The following RGS7 variants were observed in gnomAD, a reference collection of about 807,000 sequenced individuals.
RGS7 encodes the protein regulator of G-protein signaling 7.
A neutral mutation model predicts 81.1 loss-of-function variants in RGS7; 27 were observed. The ratio of observed to expected loss-of-function variants is 0.33; its 90% CI spans 0.25 to 0.46. The LOEUF (loss-of-function observed/expected upper bound fraction) is 0.46. Among genes scored for constraint, RGS7 ranks in the 20% least tolerant of loss-of-function variants. The pLI is 1.00. For synonymous variants in RGS7, 208 were observed against 207.7 expected, an observed-to-expected ratio of 1.00 and a Z score of -0.01; for missense variants, 396 against 607.4, an observed-to-expected ratio of 0.65 and a Z score of 3.66.
intron 9 of RGS7, among the ~76,000 whole-genome samples, chr1:240,839,282 A>G (rs1221158581): frequency 1.3e-5 from 2 of 152,212 alleles, no homozygotes; most frequent in Non-Finnish European, 2.9e-5. Flanking sequence ...AACTATACAA[A>G]TGCTCCTTTG....
chr1:240,944,965 C>T (rs928567262), intron 4 of RGS7, among the ~76,000 whole-genome samples: 1 of 152,172 alleles, frequency 6.6e-6, no homozygotes, highest in African/African-American at 2.4e-5. Context: ...CCTGCCTCGG[C>T]CTTCCCAAGC....
intron 4 of RGS7, among the ~76,000 whole-genome samples, chr1:240,961,150 A>G (rs171882): frequency 0.94 from 142,562 of 152,232 alleles, 67,226 homozygotes; most frequent in East Asian, 0.99. Flanking sequence ...GTATATAAAT[A>G]TAGCCAATTA....
At chr1:241,323,702 C>T (rs548352623) in intron 2 of RGS7, among the ~76,000 whole-genome samples, 5 of 152,310 alleles carry the variant, frequency 3.3e-5, no homozygotes, top group South Asian at 2.1e-4. Context: ...GGAGAACAGA[C>T]GCGAGAGCTG....
intron 2 of RGS7, among the ~76,000 whole-genome samples, chr1:241,130,344 T>TAA (rs535450158): frequency 2.9e-4 from 42 of 144,222 alleles, no homozygotes; most frequent in African/African-American, 1.0e-3. Context: ...TAACATAAAT[T>TAA]AAAAAAAAAA....
chr1:240,919,177 G>C (rs780865983), intron 6 of RGS7, among the ~76,000 whole-genome samples: 1 of 151,936 alleles, frequency 6.6e-6, no homozygotes, highest in Non-Finnish European at 1.5e-5. Context: ...ATAATACTCC[G>C]TACAATCTCT....
At chr1:241,086,997 C>T (rs2063488799) in intron 3 of RGS7, among the ~76,000 whole-genome samples, 1 of 152,166 alleles carries the variant, frequency 6.6e-6, no homozygotes, top group Non-Finnish European at 1.5e-5. Context: ...CTCCTGCAGC[C>T]CTCTGGGTTT....
chr1:241,003,780 C>T (rs1270379591), intron 3 of RGS7, among the ~76,000 whole-genome samples: 2 of 152,096 alleles, frequency 1.3e-5, no homozygotes, highest in Non-Finnish European at 2.9e-5. Flanking sequence ...GATGGAGTCT[C>T]GCTCTGTCAC....
At chr1:241,058,485 A>G (rs1167142128) in intron 3 of RGS7, among the ~76,000 whole-genome samples, 3 of 152,076 alleles carry the variant, frequency 2.0e-5, no homozygotes, top group Non-Finnish European at 2.9e-5. Flanking sequence ...CTTTGAATTC[A>G]TTTGCTTTAT....
chr1:241,030,088 C>T (rs575758099), intron 3 of RGS7, among the ~76,000 whole-genome samples: 14 of 152,076 alleles, frequency 9.2e-5, no homozygotes, highest in Non-Finnish European at 1.8e-4. Context: ...AAAGATTACT[C>T]TTTTTAGGTT....
intron 3 of RGS7, among the ~76,000 whole-genome samples, chr1:241,022,398 C>A (rs2059583919): frequency 6.6e-6 from 1 of 152,200 alleles, no homozygotes. Flanking sequence ...TGTTAGACTG[C>A]CTTTGCAGTA....
intron 2 of RGS7, among the ~76,000 whole-genome samples, chr1:241,318,633 TTTG>T (rs930744322): frequency 2.0e-5 from 3 of 151,844 alleles, no homozygotes; most frequent in Non-Finnish European, 4.4e-5. Context: ...ATTTCTTATT[TTTG>T]TTGTTGTTGT....
At chr1:241,066,922 G>A (rs1193466244) in intron 3 of RGS7, among the ~76,000 whole-genome samples, 1 of 152,162 alleles carries the variant, frequency 6.6e-6, no homozygotes, top group Non-Finnish European at 1.5e-5. Flanking sequence ...AACTTATAGT[G>A]GAAAGAGAGG....
chr1:241,029,311 C>G (rs1006033609), intron 3 of RGS7, among the ~76,000 whole-genome samples: 28 of 152,002 alleles, frequency 1.8e-4, no homozygotes, highest in African/African-American at 6.8e-4. Flanking sequence ...TTTCAGCACC[C>G]TTTTATAAAA....
chr1:241,310,450 TGTGTGTGTGAGA>T (rs1403048145), intron 2 of RGS7, among the ~76,000 whole-genome samples: 1 of 112,302 alleles, frequency 8.9e-6, no homozygotes, highest in Non-Finnish European at 2.1e-5. Flanking sequence ...TGTGTGAGTG[TGTGTGTGTGAGA>T]GTGTGTGTGT....
intron 9 of RGS7, among the ~76,000 whole-genome samples, chr1:240,839,277 T>C (rs1214588501): frequency 1.3e-5 from 2 of 152,208 alleles, no homozygotes; most frequent in Non-Finnish European, 2.9e-5. Context: ...CAGAAAACTA[T>C]ACAAATGCTC....
chr1:240,835,624 A>C (rs1029626616), intron 9 of RGS7, among the ~76,000 whole-genome samples: 1 of 152,204 alleles, frequency 6.6e-6, no homozygotes, highest in Non-Finnish European at 1.5e-5. Flanking sequence ...TCACAAAAAA[A>C]CCTGTACACG....
intron 2 of RGS7, among the ~76,000 whole-genome samples, chr1:241,252,802 C>T (rs1429667561): frequency 6.6e-6 from 1 of 152,172 alleles, no homozygotes; most frequent in African/African-American, 2.4e-5. Context: ...TAGTGTGGTG[C>T]ATTTTTAAGG....
At chr1:241,049,383 C>T (rs993795370) in intron 3 of RGS7, among the ~76,000 whole-genome samples, 1 of 152,196 alleles carries the variant, frequency 6.6e-6, no homozygotes, top group Non-Finnish European at 1.5e-5. Context: ...GACACACACA[C>T]AAAAACTTTA....
chr1:240,842,199 A>AATTTTTTTTTTTTTTTTTTTT (rs1658149707), intron 9 of RGS7, among the ~76,000 whole-genome samples: 1 of 78,676 alleles, frequency 1.3e-5, no homozygotes, highest in Non-Finnish European at 2.5e-5. Context: ...TTTGTCAGGA[A>AATTTTTTTTTTTTTTTTTTTT]TTTTTTTTTT....
Sources: allele counts gnomAD v4.1 joint callset (sites outside exome capture counted in the v4.1 genomes callset), GRCh38; gene constraint gnomAD v4.1.1; transcripts MANE v1.5; gene names NCBI Gene and HGNC (gene_info 2026-07-23, HGNC 2026-07-21).